KPNA6: variants seen among roughly 807,000 people sequenced by gnomAD.
The protein encoded by KPNA6 is karyopherin subunit alpha 6.
KPNA6 carries 9 observed loss-of-function variants against 72.0 expected under a neutral mutation model. That is an observed-to-expected ratio of 0.13 (90% CI 0.08 to 0.22). The LOEUF (loss-of-function observed/expected upper bound fraction) is 0.22. Ranked by LOEUF, KPNA6 falls within the 10% of genes least tolerant of loss-of-function variation. KPNA6 has a pLI of 1.00. For synonymous variants in KPNA6, 219 were observed against 242.1 expected (o/e 0.90, Z 0.89); for missense variants, 374 against 655.7 (o/e 0.57, Z 4.69).
In KPNA6 at chr1:32,172,836, C is replaced by A; in HGVS notation, c.*1942C>A. 1 of 351,940 alleles carries A rather than the reference C, an allele frequency of 2.8e-6. No homozygotes were observed. The highest frequency in any genetic ancestry group is 5.1e-6 in the Non-Finnish European group (1 of 197,620). The allele number at this position is 351,940 out of a possible 1,614,324, so 21.8% of individuals were successfully genotyped here. A position where few individuals can be genotyped will look rare whatever the true frequency, so the allele number is the denominator to read the frequency against. On this transcript the variant is annotated 3_prime_UTR_variant, in exon 14 of 14. Coordinates refer to ENST00000373625, the MANE Select transcript of KPNA6 (RefSeq NM_012316.5). The stretch of plus-strand genomic sequence containing the variant: ...TTCCTCTGAAACAATGCCATTCTTG[C>A]TTCTATTGCTACACATCTCCTTCTG...
rs187002291 is a variant in KPNA6, at chr1:32,112,704, G to A, written c.4+4570G>A. Among the ~76,000 whole-genome samples, 47 of 152,206 alleles carry A rather than the reference G, an allele frequency of 3.1e-4. 1 individual carries two copies. The East Asian group carries it at 8.9e-3, about 29-fold the overall frequency. On this transcript the variant is annotated intron_variant, in intron 1 of 13. Transcript: ENST00000373625. ...GACGGAGTTTTACCATGTTGGACAG[G>A]CTGGTCTTGAACTCCTGACCTCATG...
At chr1:32,150,901 A>C (rs1642020175) in intron 1 of KPNA6, among the ~76,000 whole-genome samples, 1 of 152,066 alleles carries the variant, frequency 6.6e-6, no homozygotes, top group African/African-American at 2.4e-5. Context: ...CTGGGATTAC[A>C]GCCGTGAGCC....
At chr1:32,136,926 G>A (rs180963999) in intron 1 of KPNA6, among the ~76,000 whole-genome samples, 99 of 152,318 alleles carry the variant, frequency 6.5e-4, no homozygotes, top group Non-Finnish European at 1.0e-3. Flanking sequence ...CGTTCTTGAA[G>A]CCAAGTTTCA....
chr1:32,149,880 CT>C (rs1641997676), intron 1 of KPNA6, among the ~76,000 whole-genome samples: 1 of 151,962 alleles, frequency 6.6e-6, no homozygotes, highest in Non-Finnish European at 1.5e-5. Flanking sequence ...AGTTTACCAG[CT>C]TTTTGTTTTT....
chr1:32,127,391 G>A (rs552848317), intron 1 of KPNA6, among the ~76,000 whole-genome samples: 20 of 152,256 alleles, frequency 1.3e-4, no homozygotes, highest in African/African-American at 4.6e-4. Context: ...TTCACCCTGG[G>A]CCTTTCTCAC....
chr1:32,164,116 T>G (rs559552203), intron 10 of KPNA6, among the ~76,000 whole-genome samples: 13 of 152,330 alleles, frequency 8.5e-5, no homozygotes, highest in South Asian at 8.3e-4. Flanking sequence ...ATCTGTGAGT[T>G]TGAGTGCTCT....
intron 13 of KPNA6, among the ~76,000 whole-genome samples, chr1:32,170,296 T>C (rs1642412923): frequency 6.6e-6 from 1 of 152,162 alleles, no homozygotes; most frequent in Non-Finnish European, 1.5e-5. Flanking sequence ...GGGGTACAGC[T>C]AGGATTTGGA....
intron 1 of KPNA6, among the ~76,000 whole-genome samples, chr1:32,110,056 A>ATTTTTTTTTTTT (rs750004100): frequency 8.5e-6 from 1 of 118,308 alleles, no homozygotes; most frequent in African/African-American, 3.3e-5. Context: ...CTGGAATTGA[A>ATTTTTTTTTTTT]TTTTTTTTTT....
At chr1:32,144,092 T>C (rs1054434224) in intron 1 of KPNA6, among the ~76,000 whole-genome samples, 2 of 152,162 alleles carry the variant, frequency 1.3e-5, no homozygotes, top group Non-Finnish European at 2.9e-5. Context: ...AATTTGTAAA[T>C]TAGGCACAAT....
At chr1:32,123,231 C>G (rs994262526) in intron 1 of KPNA6, among the ~76,000 whole-genome samples, 1 of 152,060 alleles carries the variant, frequency 6.6e-6, no homozygotes, top group Non-Finnish European at 1.5e-5. Context: ...GGTATTGGTA[C>G]AGATCAGTAA....
At chr1:32,145,605 G>A (rs1290613451) in intron 1 of KPNA6, among the ~76,000 whole-genome samples, 1 of 152,176 alleles carries the variant, frequency 6.6e-6, no homozygotes, top group African/African-American at 2.4e-5. Flanking sequence ...GATTACAGAT[G>A]TGAGCCACCC....
intron 1 of KPNA6, among the ~76,000 whole-genome samples, chr1:32,129,854 A>C (rs1641605693): frequency 6.6e-6 from 1 of 152,200 alleles, no homozygotes; most frequent in Admixed American, 6.5e-5. Flanking sequence ...ATTGAGAAGC[A>C]GCATTGACAC....
chr1:32,170,818 C>A lies in KPNA6; in HGVS notation c.1535C>A (p.Ala512Asp). The A allele has an allele frequency of 6.2e-7, 1 of 1,614,158 alleles. No homozygotes were observed. Among genetic ancestry groups the A allele is most frequent in the Non-Finnish European group, 8.5e-7 (1 of 1,180,014 alleles). ...FGVEDDDSSL[A>D]PQVDETQQQF... ...GTAGAAGACGATGATAGCAGCCTGG[C>A]TCCCCAAGTCGATGAAACGCAACAG... Residue 512 changes from alanine to aspartate, a missense_variant, in exon 14 of 14, where the codon GCT becomes GAT. Around this residue, in one of 3 missense-constraint regions of KPNA6, gnomAD observed 42 missense variants for 49.8 expected, o/e 0.84. Coordinates refer to ENST00000373625, the MANE Select transcript of KPNA6 (RefSeq NM_012316.5).
At chr1:32,156,711 G>A (rs1189203537) in intron 2 of KPNA6, 142 bp from the exon 3 acceptor site, 5 of 581,270 alleles carry the variant, frequency 8.6e-6, no homozygotes, top group Non-Finnish European at 1.5e-5. Context: ...ACTGAATAAG[G>A]GGAGACTAAT....
At chr1:32,162,669 T>A in intron 9 of KPNA6, 145 bp downstream of exon 9, 2 of 772,938 alleles carry the variant, frequency 2.6e-6, no homozygotes, top group Non-Finnish European at 4.1e-6. Context: ...ACCCCGTCTC[T>A]ACTAAAAATA....
chr1:32,139,378 T>C (rs777331784), intron 1 of KPNA6, among the ~76,000 whole-genome samples: 1 of 152,126 alleles, frequency 6.6e-6, no homozygotes, highest in Non-Finnish European at 1.5e-5. Context: ...GAACAGGAAG[T>C]GCAAAGGCTA....
rs1056671867 is a variant in KPNA6, at chr1:32,143,168, A to G, written c.5-11420A>G. 2.4e-4 allele frequency: 100 copies of G among 422,904 alleles called. 1 individual carries two copies. Among genetic ancestry groups the G allele is most frequent in the South Asian group, 9.4e-4 (53 of 56,622 alleles). 26.2% of individuals were successfully genotyped at this position (422,904 alleles called of 1,614,324 possible). On this transcript the variant is annotated intron_variant, in intron 1 of 13. Coordinates refer to ENST00000373625, the MANE Select transcript of KPNA6 (RefSeq NM_012316.5). ...AGCCTCAACCTCCTGGGCTCAAGCA[A>G]TCCTCCTGCCTCAGCCTCCCAAGTA...
chr1:32,119,631 T>TTA (rs1225155241), intron 1 of KPNA6, among the ~76,000 whole-genome samples: 2 of 152,184 alleles, frequency 1.3e-5, no homozygotes, highest in Non-Finnish European at 2.9e-5. Context: ...ACAACCCTAT[T>TTA]TCCTGGCTGC....
At chr1:32,158,422 T>C (rs949528965) in intron 5 of KPNA6, 61 bp downstream of exon 5, 61 of 955,242 alleles carry the variant, frequency 6.4e-5, no homozygotes, top group Non-Finnish European at 9.0e-5. Context: ...ACATAGTAGG[T>C]ATATATATTT....
Sources: allele counts gnomAD v4.1 joint callset (sites outside exome capture counted in the v4.1 genomes callset), GRCh38; gene constraint gnomAD v4.1.1; regional missense constraint gnomAD v4.1.1; transcripts MANE v1.5; gene names NCBI Gene and HGNC (gene_info 2026-07-23, HGNC 2026-07-21).